The following MPP7 variants were observed in gnomAD, a reference collection of about 807,000 sequenced individuals.
MPP7 encodes the protein MAGUK p55 scaffold protein 7.
MPP7 carries 60 observed loss-of-function variants against 76.5 expected under a neutral mutation model. The observed-to-expected ratio is 0.78, with a 90% CI of 0.64 to 0.97. The LOEUF (loss-of-function observed/expected upper bound fraction) is 0.97, where lower values mean the gene tolerates loss of function less well. Among genes scored for constraint, MPP7 ranks in the 50% least tolerant of loss-of-function variants. The probability of loss-of-function intolerance (pLI) is 0.00; values close to 1 mark genes in which losing one functional copy is unlikely to be tolerated. For missense variants in MPP7, 641 were observed against 694.0 expected (o/e 0.92, Z 0.86); for synonymous variants, 237 against 244.5 (o/e 0.97, Z 0.29).
chr10:28,279,412 C>G (rs193078398), intron 1 of MPP7, among the ~76,000 whole-genome samples: 2 of 152,118 alleles, frequency 1.3e-5, no homozygotes, highest in Non-Finnish European at 2.9e-5. Context: ...CATTGGCTCA[C>G]TACAGAAATG....
At chr10:28,214,063 A>G (rs929036142) in intron 2 of MPP7, among the ~76,000 whole-genome samples, 1 of 152,190 alleles carries the variant, frequency 6.6e-6, no homozygotes, top group Non-Finnish European at 1.5e-5. Flanking sequence ...AAGGAACAGG[A>G]GACAATTACT....
At chr10:28,153,795 T>C (rs555683880) in intron 3 of MPP7, among the ~76,000 whole-genome samples, 3 of 152,198 alleles carry the variant, frequency 2.0e-5, no homozygotes, top group Non-Finnish European at 4.4e-5. Context: ...GACTCCACCA[T>C]GGTCATCTGC....
chr10:28,090,077 C>T (rs897391259), intron 11 of MPP7, among the ~76,000 whole-genome samples: 6 of 152,136 alleles, frequency 3.9e-5, no homozygotes, highest in African/African-American at 1.4e-4. Context: ...CCTCCCACCT[C>T]AGGCTCCCAG....
At chr10:28,211,403 G>T (rs1838130158) in intron 2 of MPP7, among the ~76,000 whole-genome samples, 1 of 151,856 alleles carries the variant, frequency 6.6e-6, no homozygotes, top group Non-Finnish European at 1.5e-5. Context: ...ATACTCTGAT[G>T]CTTTGAGCAA....
At chr10:28,066,100 C>A (rs1851979040) in intron 13 of MPP7, among the ~76,000 whole-genome samples, 1 of 152,068 alleles carries the variant, frequency 6.6e-6, no homozygotes, top group African/African-American at 2.4e-5. Context: ...GGCATGTTGG[C>A]TCACAACTAT....
At chr10:28,284,377 G>A (rs1247041617) in intron 1 of MPP7, among the ~76,000 whole-genome samples, 1 of 152,186 alleles carries the variant, frequency 6.6e-6, no homozygotes, top group Non-Finnish European at 1.5e-5. Flanking sequence ...AATTCAGGGA[G>A]GGAGCAGCAG....
At chr10:28,211,976 G>A (rs1330505397) in intron 2 of MPP7, among the ~76,000 whole-genome samples, 2 of 152,212 alleles carry the variant, frequency 1.3e-5, no homozygotes, top group East Asian at 1.9e-4. Context: ...TCAGCCAGGC[G>A]CAGTGGCTCG....
At chr10:28,318,987 G>A (rs181934072) in intron 2 of MPP7, among the ~76,000 whole-genome samples, 1 of 152,306 alleles carries the variant, frequency 6.6e-6, no homozygotes, top group East Asian at 1.9e-4. Flanking sequence ...TTGAATGTTT[G>A]TATTAGTCTG....
intron 13 of MPP7, among the ~76,000 whole-genome samples, chr10:28,062,966 A>G (rs981993900): frequency 6.6e-6 from 1 of 152,234 alleles, no homozygotes; most frequent in African/African-American, 2.4e-5. Context: ...GAAAAATTAC[A>G]AAACATAAAA....
intron 3 of MPP7, among the ~76,000 whole-genome samples, chr10:28,175,240 A>C (rs1190037819): frequency 3.3e-5 from 5 of 151,912 alleles, no homozygotes. Context: ...CAGTGAGCTG[A>C]GATTGCATCA....
intron 3 of MPP7, among the ~76,000 whole-genome samples, chr10:28,160,198 T>G (rs1588866051): frequency 1.3e-5 from 2 of 152,166 alleles, no homozygotes; most frequent in Admixed American, 1.3e-4. Context: ...GAAACTAGTT[T>G]AGTTCACAAT....
In MPP7 at chr10:28,257,952, G is replaced by A. The variant is rs1242028124; in HGVS notation, c.-131-19217C>T. ...AATGAGAAAAGGGCAGACATTCTGC[G>A]GGGAGTAAATATAATCATTTCTAGG... On this transcript the variant is annotated intron_variant, in intron 1 of 16. Coordinates refer to ENST00000683449, the MANE Select transcript of MPP7 (RefSeq NM_001318170.2). 4.6e-5 allele frequency among the ~76,000 whole-genome samples: 7 copies of A among 152,094 alleles called. No homozygotes were observed. In the East Asian group the frequency reaches 9.7e-4, roughly 21 times the overall value.
intron 1 of MPP7, among the ~76,000 whole-genome samples, chr10:28,263,140 G>T (rs912798400): frequency 2.0e-5 from 3 of 152,136 alleles, no homozygotes; most frequent in African/African-American, 7.2e-5. Flanking sequence ...CTAAGTACCT[G>T]ACCACATATA....
At chr10:28,110,562 T>C (rs1214585854) in intron 11 of MPP7, among the ~76,000 whole-genome samples, 2 of 152,246 alleles carry the variant, frequency 1.3e-5, no homozygotes, top group African/African-American at 2.4e-5. Flanking sequence ...AGAGATTTCA[T>C]GTTGGGAGTA....
chr10:28,181,327 C>G (rs1588892359), intron 3 of MPP7, among the ~76,000 whole-genome samples: 1 of 152,250 alleles, frequency 6.6e-6, no homozygotes, highest in East Asian at 1.9e-4. Flanking sequence ...TTCCTAATTC[C>G]TATTTTATTG....
At position 28,318,554 on chromosome 10, in the gene MPP7, G is replaced by A. The variant is rs140999616; in HGVS notation, c.-132+11375C>T. Among the ~76,000 whole-genome samples the A allele has an allele frequency of 3.3e-3, 498 of 152,216 alleles. 1 individual carries two copies. Among genetic ancestry groups the A allele is most frequent in the Middle Eastern group, 6.8e-3 (2 of 294 alleles). On this transcript the variant is annotated intron_variant, in intron 2 of 11. Coordinates refer to the MPP7 transcript ENST00000441595. Reference sequence around the variant, plus strand: ...ATAAAAATTAGCTGGACATGGTTTCGTGTGCCTGTCATCCCAGCTACCCAG... The same window carrying A: ...ATAAAAATTAGCTGGACATGGTTTCATGTGCCTGTCATCCCAGCTACCCAG...
chr10:28,085,281 T>C (rs1852950344), intron 12 of MPP7, among the ~76,000 whole-genome samples: 2 of 152,178 alleles, frequency 1.3e-5, no homozygotes, highest in Non-Finnish European at 2.9e-5. Flanking sequence ...CTTCAGTTTC[T>C]TCATCTGTAA....
intron 3 of MPP7, among the ~76,000 whole-genome samples, chr10:28,193,779 T>C (rs1198896859): frequency 1.3e-5 from 2 of 151,660 alleles, no homozygotes; most frequent in African/African-American, 2.4e-5. Context: ...AAAGAAGATG[T>C]ATAGATAAAA....
chr10:28,133,999 C>A (rs925533941), intron 5 of MPP7, among the ~76,000 whole-genome samples: 1 of 152,026 alleles, frequency 6.6e-6, no homozygotes, highest in Non-Finnish European at 1.5e-5. Context: ...TTGGCTAGTA[C>A]AAATAATGCT....
Sources: allele counts gnomAD v4.1 joint callset (sites outside exome capture counted in the v4.1 genomes callset), GRCh38; gene constraint gnomAD v4.1.1; transcripts MANE v1.5; gene names NCBI Gene and HGNC (gene_info 2026-07-23, HGNC 2026-07-21).